Variants in FARS2 observed in about 807,000 individuals in gnomAD.
FARS2 encodes phenylalanine--tRNA ligase, mitochondrial.
FARS2 carries 40 observed loss-of-function variants against 46.4 expected under a neutral mutation model. That is an observed-to-expected ratio of 0.86 (90% confidence interval 0.67 to 1.12). The LOEUF (loss-of-function observed/expected upper bound fraction) is 1.12, where lower values mean the gene tolerates loss of function less well. Ranked by LOEUF, FARS2 falls within the 50% of genes most tolerant of loss-of-function variation. FARS2 has a pLI of 0.00. For missense variants in FARS2, 513 were observed against 567.9 expected, an observed-to-expected ratio of 0.90 and a Z score of 0.98; for synonymous variants, 234 against 214.9, an observed-to-expected ratio of 1.09 and a Z score of -0.78.
At chr6:5,682,791 T>C (rs1779099837) in intron 6 of FARS2, among the ~76,000 whole-genome samples, 1 of 152,240 alleles carries the variant, frequency 6.6e-6, no homozygotes, top group African/African-American at 2.4e-5. Context: ...TAAGTTCATC[T>C]GCAGTGTGAT....
chr6:5,623,651 G>A (rs535089317), intron 6 of FARS2, among the ~76,000 whole-genome samples: 9 of 152,088 alleles, frequency 5.9e-5, no homozygotes, highest in Admixed American at 3.3e-4. Flanking sequence ...GGCGGAGGTC[G>A]CAGTGAGCTT....
chr6:5,766,240 GC>G (rs1466990309), intron 6 of FARS2, among the ~76,000 whole-genome samples: 2 of 152,256 alleles, frequency 1.3e-5, no homozygotes, highest in Non-Finnish European at 2.9e-5. Flanking sequence ...TGATGAGTGT[GC>G]CTGCGTGAGT....
chr6:5,698,424 C>G (rs1283357771), intron 6 of FARS2, among the ~76,000 whole-genome samples: 5 of 152,154 alleles, frequency 3.3e-5, no homozygotes, highest in Non-Finnish European at 5.9e-5. Context: ...GATCCAAACA[C>G]CTCCCACCAG....
At chr6:5,645,782 T>C (rs1336450765) in intron 6 of FARS2, among the ~76,000 whole-genome samples, 1 of 152,228 alleles carries the variant, frequency 6.6e-6, no homozygotes, top group Non-Finnish European at 1.5e-5. Context: ...CAGATTGGCA[T>C]GGGTGAAATA....
intron 3 of FARS2, among the ~76,000 whole-genome samples, chr6:5,408,677 A>G (rs1365671395): frequency 6.6e-6 from 1 of 152,200 alleles, no homozygotes. Context: ...AAAATATCAG[A>G]TAAATATGTA....
rs184129193 is a variant in FARS2, at chr6:5,600,679, G to A, written c.1066-12490G>A. The stretch of plus-strand genomic sequence containing the variant: ...TTTAAGTGAATTTAGATAAGAACAC[G>A]ATCGCATGGGCTATAAACAGACTGG... On this transcript the variant is annotated intron_variant, in intron 5 of 6. Coordinates refer to ENST00000274680, the MANE Select transcript of FARS2 (RefSeq NM_006567.5). Among the ~76,000 whole-genome samples, 6 of 152,274 alleles carry A rather than the reference G, an allele frequency of 3.9e-5. No individual in the cohort carries two copies. The East Asian group carries it at 7.7e-4, about 20-fold the overall frequency.
At chr6:5,449,429 T>G (rs151137813) in intron 4 of FARS2, among the ~76,000 whole-genome samples, 1 of 149,352 alleles carries the variant, frequency 6.7e-6, no homozygotes, top group East Asian at 2.0e-4. Flanking sequence ...TATATGAAAA[T>G]TATTATAAAG....
chr6:5,260,988 T>TCCGCC (rs1445522233), upstream of FARS2: 6 of 1,126,216 alleles, frequency 5.3e-6, no homozygotes, highest in Middle Eastern at 3.8e-4. Context: ...GGGAGATGCC[T>TCCGCC]CCGCCCCGCC....
chr6:5,562,703 C>T (rs1372194131), intron 5 of FARS2, among the ~76,000 whole-genome samples: 2 of 151,332 alleles, frequency 1.3e-5, no homozygotes, highest in Non-Finnish European at 2.9e-5. Context: ...TATACACACA[C>T]ACACACACAC....
At chr6:5,726,577 TTC>T (rs1760271677) in intron 6 of FARS2, among the ~76,000 whole-genome samples, 1 of 152,196 alleles carries the variant, frequency 6.6e-6, no homozygotes, top group South Asian at 2.1e-4. Context: ...CCTTTAATAT[TTC>T]TGCAATTGTC....
chr6:5,399,352 T>G (rs1046098613), intron 2 of FARS2, among the ~76,000 whole-genome samples: 3 of 151,972 alleles, frequency 2.0e-5, no homozygotes, highest in Admixed American at 6.6e-5. Context: ...TTTTTGTATT[T>G]TTTGGTAGAG....
At chr6:5,595,890 C>A (rs540009189) in intron 5 of FARS2, among the ~76,000 whole-genome samples, 2 of 152,274 alleles carry the variant, frequency 1.3e-5, no homozygotes, top group East Asian at 1.9e-4. Context: ...TAGCAAGTAG[C>A]AGAGCTGAGT....
chr6:5,541,395 A>G (rs569311334), intron 4 of FARS2, among the ~76,000 whole-genome samples: 2 of 152,322 alleles, frequency 1.3e-5, no homozygotes, highest in African/African-American at 4.8e-5. Context: ...TTTGAAGGAT[A>G]TATACAGTCA....
At chr6:5,710,045 A>T (rs942773217) in intron 6 of FARS2, among the ~76,000 whole-genome samples, 1 of 152,184 alleles carries the variant, frequency 6.6e-6, no homozygotes, top group African/African-American at 2.4e-5. Context: ...TGGCCAACGC[A>T]GACCCTTGTC....
chr6:5,616,225 T>C (rs1775474083), intron 6 of FARS2, among the ~76,000 whole-genome samples: 1 of 152,104 alleles, frequency 6.6e-6, no homozygotes, highest in African/African-American at 2.4e-5. Context: ...AAATAGAATG[T>C]ATGGGGTAGT....
chr6:5,371,525 A>G (rs188470105), intron 2 of FARS2, among the ~76,000 whole-genome samples: 35 of 152,284 alleles, frequency 2.3e-4, no homozygotes, highest in Middle Eastern at 3.4e-3. Context: ...CTTAGCTATT[A>G]ATTGTGGAAA....
intron 6 of FARS2, among the ~76,000 whole-genome samples, chr6:5,740,565 C>T (rs1327540273): frequency 3.3e-5 from 5 of 151,924 alleles, no homozygotes; most frequent in African/African-American, 1.2e-4. Flanking sequence ...ATTTACAAAC[C>T]TCCCTCCCAG....
intron 6 of FARS2, among the ~76,000 whole-genome samples, chr6:5,643,192 G>C (rs996378569): frequency 6.6e-6 from 1 of 152,144 alleles, no homozygotes; most frequent in Non-Finnish European, 1.5e-5. Flanking sequence ...TTTCTTTCAG[G>C]AGGAGGGAGC....
At chr6:5,626,525 C>G (rs1034988474) in intron 6 of FARS2, among the ~76,000 whole-genome samples, 1 of 152,186 alleles carries the variant, frequency 6.6e-6, no homozygotes, top group African/African-American at 2.4e-5. Context: ...CAACTTGTCA[C>G]CTGGGACTTA....
Sources: allele counts gnomAD v4.1 joint callset (sites outside exome capture counted in the v4.1 genomes callset), GRCh38; gene constraint gnomAD v4.1.1; transcripts MANE v1.5; gene names NCBI Gene and HGNC (gene_info 2026-07-23, HGNC 2026-07-21).